The following ABLIM1 variants were observed in gnomAD, a reference collection of about 807,000 sequenced individuals.
ABLIM1 encodes actin-binding LIM protein 1.
A neutral mutation model predicts 107.0 loss-of-function variants in ABLIM1; 40 were observed. That is an observed-to-expected ratio of 0.37 (90% CI 0.29 to 0.49). The LOEUF is 0.49. Among genes scored for constraint, ABLIM1 ranks in the 20% least tolerant of loss-of-function variants. The pLI is 0.97. For synonymous variants in ABLIM1, 357 were observed against 357.3 expected (o/e 1.00, Z 0.01); for missense variants, 857 against 1,008.5 (o/e 0.85, Z 2.04).
At chr10:114,543,325 T>G (rs1209419024) in intron 6 of ABLIM1, among the ~76,000 whole-genome samples, 1 of 152,224 alleles carries the variant, frequency 6.6e-6, no homozygotes, top group African/African-American at 2.4e-5. Context: ...CTATTTCCCC[T>G]TCCCCCAGCC....
chr10:114,492,367 A>G (rs1459290241), intron 6 of ABLIM1, among the ~76,000 whole-genome samples: 1 of 152,134 alleles, frequency 6.6e-6, no homozygotes, highest in Non-Finnish European at 1.5e-5. Flanking sequence ...TACATCATCC[A>G]CTGTTTTTAT....
intron 1 of ABLIM1, among the ~76,000 whole-genome samples, chr10:114,669,289 AAAGGGAGAGAAGCAGTTTG>A (rs2141363753): frequency 6.6e-6 from 1 of 152,346 alleles, no homozygotes; most frequent in African/African-American, 2.4e-5. Flanking sequence ...CCTGTCAAGG[AAAGGGAGAGAAGCAGTTTG>A]AAAACAAAAC....
At chr10:114,530,795 A>G (rs1469273762) in intron 6 of ABLIM1, among the ~76,000 whole-genome samples, 1 of 152,214 alleles carries the variant, frequency 6.6e-6, no homozygotes, top group Non-Finnish European at 1.5e-5. Flanking sequence ...CAGCCTCCCA[A>G]AGTGCTGGGA....
intron 14 of ABLIM1, among the ~76,000 whole-genome samples, chr10:114,448,379 T>G (rs553259875): frequency 6.6e-6 from 1 of 152,182 alleles, no homozygotes; most frequent in Non-Finnish European, 1.5e-5. Flanking sequence ...AGTAGTCACA[T>G]GTGATTAGTG....
intron 2 of ABLIM1, among the ~76,000 whole-genome samples, chr10:114,576,083 C>A (rs185694264): frequency 6.6e-6 from 1 of 152,150 alleles, no homozygotes; most frequent in East Asian, 1.9e-4. Context: ...TCCACTGCTA[C>A]GAAAAATTCA....
intron 12 of ABLIM1, among the ~76,000 whole-genome samples, chr10:114,464,074 G>A (rs1312242122): frequency 6.6e-6 from 1 of 152,090 alleles, no homozygotes; most frequent in Non-Finnish European, 1.5e-5. Flanking sequence ...CACTGTTCAG[G>A]GGTCTTTGGA....
At chr10:114,651,801 T>G (rs1300628227) in intron 1 of ABLIM1, among the ~76,000 whole-genome samples, 2 of 152,206 alleles carry the variant, frequency 1.3e-5, no homozygotes, top group African/African-American at 2.4e-5. Context: ...ATCATCTCCA[T>G]CCTCAGGAGA....
intron 2 of ABLIM1, among the ~76,000 whole-genome samples, chr10:114,586,220 C>A (rs1432603140): frequency 2.0e-5 from 3 of 151,818 alleles, no homozygotes. Flanking sequence ...ACTCTTTCAG[C>A]AACTGAAATT....
chr10:114,594,902 C>T (rs567851755), intron 2 of ABLIM1: 1 of 152,290 alleles, frequency 6.6e-6, no homozygotes, highest in African/African-American at 2.4e-5. Flanking sequence ...ACAAAAATCT[C>T]TGCCCTCAAA....
chr10:114,584,599 G>A (rs546207158), intron 2 of ABLIM1, among the ~76,000 whole-genome samples: 1 of 152,268 alleles, frequency 6.6e-6, no homozygotes, highest in South Asian at 2.1e-4. Context: ...ATGTGAGGGG[G>A]CAGCTTCCCA....
intron 6 of ABLIM1, among the ~76,000 whole-genome samples, chr10:114,521,979 A>C (rs2063814042): frequency 1.3e-5 from 2 of 152,164 alleles, no homozygotes; most frequent in South Asian, 4.1e-4. Flanking sequence ...TACCTCTCCA[A>C]GTCAAAAGAG....
intron 4 of ABLIM1, among the ~76,000 whole-genome samples, chr10:114,551,139 G>C (rs900200745): frequency 6.6e-6 from 1 of 152,216 alleles, no homozygotes; most frequent in African/African-American, 2.4e-5. Flanking sequence ...GCGGACAACA[G>C]CCATTGCCTA....
intron 1 of ABLIM1, among the ~76,000 whole-genome samples, chr10:114,670,735 G>A (rs2080217524): frequency 6.6e-6 from 1 of 152,190 alleles, no homozygotes; most frequent in African/African-American, 2.4e-5. Flanking sequence ...CCCAAGCGAT[G>A]AGAAGTTCAA....
chr10:114,571,742 A>G (rs1331374819), intron 3 of ABLIM1, among the ~76,000 whole-genome samples: 3 of 152,194 alleles, frequency 2.0e-5, no homozygotes, highest in African/African-American at 7.2e-5. Context: ...GTCCTTCATG[A>G]AAAAATATTT....
chr10:114,540,730 C>T (rs955194883), intron 6 of ABLIM1, among the ~76,000 whole-genome samples: 46 of 152,220 alleles, frequency 3.0e-4, no homozygotes, highest in African/African-American at 1.1e-3. Context: ...TCTGGTGACA[C>T]CACACCTAGA....
chr10:114,651,504 G>A (rs1235294278), intron 1 of ABLIM1, among the ~76,000 whole-genome samples: 2 of 152,188 alleles, frequency 1.3e-5, no homozygotes, highest in African/African-American at 4.8e-5. Flanking sequence ...GAGGCCCAAC[G>A]TGAAAGCATC....
Position 114,575,632 on chromosome 10 carries a change from T to A in ABLIM1, c.380-33A>T. 1.9e-6 allele frequency: 3 copies of A among 1,595,542 alleles called. No individual in the cohort carries two copies. The South Asian group carries it at 3.4e-5, about 18-fold the overall frequency. ...GAGACAAGTTCACATCTGGTCATTA[T>A]CTGCCACACTGCCGGGCAGCACTGC... On this transcript the variant is annotated intron_variant, in intron 2 of 22. Transcript: ENST00000533213.
chr10:114,800,585 C>T, the ABLIM1 span, among the ~76,000 whole-genome samples: 47 of 152,214 alleles, frequency 3.1e-4, no homozygotes, highest in Non-Finnish European at 5.1e-4. Context: ...ACAGTTGACC[C>T]GTGAACAACA....
chr10:114,634,184 G>C (rs2140816497), intron 1 of ABLIM1, among the ~76,000 whole-genome samples: 1 of 120,062 alleles, frequency 8.3e-6, no homozygotes, highest in East Asian at 2.6e-4. Context: ...CCAGGCTGGA[G>C]TGCAGTGGCG....
Sources: allele counts gnomAD v4.1 joint callset (sites outside exome capture counted in the v4.1 genomes callset), GRCh38; gene constraint gnomAD v4.1.1; transcripts MANE v1.5; gene names NCBI Gene and HGNC (gene_info 2026-07-23, HGNC 2026-07-21).